The following FBXO11 variants were observed in gnomAD, a reference collection of about 807,000 sequenced individuals.
The protein encoded by FBXO11 is F-box only protein 11.
FBXO11 carries 13 observed loss-of-function variants against 117.0 expected under a neutral mutation model. The observed-to-expected ratio is 0.11, with a 90% CI of 0.07 to 0.18. FBXO11 has a LOEUF of 0.18. Among genes scored for constraint, FBXO11 ranks in the 10% least tolerant of loss-of-function variants. FBXO11 has a pLI of 1.00. For synonymous variants in FBXO11, 490 were observed against 380.5 expected, an observed-to-expected ratio of 1.29 and a Z score of -3.35; for missense variants, 767 against 1,164.4, an observed-to-expected ratio of 0.66 and a Z score of 4.97.
intron 11 of FBXO11, among the ~76,000 whole-genome samples, chr2:47,824,274 G>A (rs1671587031): frequency 6.6e-6 from 1 of 152,124 alleles, no homozygotes; most frequent in Admixed American, 6.5e-5. Context: ...GACTGCTTGA[G>A]CCCTGGAGCT....
intron 11 of FBXO11, among the ~76,000 whole-genome samples, chr2:47,825,571 C>CTTTTTTTTTTTTTTTT (rs751404253): frequency 1.1e-5 from 1 of 88,312 alleles, no homozygotes; most frequent in Non-Finnish European, 2.3e-5. Context: ...TCTTCTTCTT[C>CTTTTTTTTTTTTTTTT]TTTTTTTTTT....
In FBXO11 at chr2:47,906,481, C is replaced by T. The variant is rs1368637641; in HGVS notation, c.-761G>A. Among the ~76,000 whole-genome samples the T allele has an allele frequency of 2.0e-5, 3 of 151,486 alleles. No individual in the cohort carries two copies. Among genetic ancestry groups the T allele is most frequent in the East Asian group, 4.0e-4 (2 of 5,060 alleles). The stretch of plus-strand genomic sequence containing the variant: ...TGGCAGGAGGAGCCATTGACACCGC[C>T]GGAGCCTCCACTCGCCCAGTCGGTC... On this transcript the variant is annotated 5_prime_UTR_variant, in exon 1 of 23. Coordinates refer to ENST00000403359, the MANE Select transcript of FBXO11 (RefSeq NM_001190274.2).
At chr2:47,826,949 C>T (rs1385208301) in intron 11 of FBXO11, among the ~76,000 whole-genome samples, 1 of 152,178 alleles carries the variant, frequency 6.6e-6, no homozygotes, top group Admixed American at 6.5e-5. Flanking sequence ...TCTTTCTGAA[C>T]AGCTTTATTG....
chr2:47,815,017 C>T (rs2104673627), intron 16 of FBXO11, among the ~76,000 whole-genome samples: 1 of 152,324 alleles, frequency 6.6e-6, no homozygotes, highest in Non-Finnish European at 1.5e-5. Context: ...GTCACATCTT[C>T]ATGTTCCATT....
At chr2:47,849,760 C>T (rs1345290048) in intron 1 of FBXO11, among the ~76,000 whole-genome samples, 1 of 152,142 alleles carries the variant, frequency 6.6e-6, no homozygotes, top group Non-Finnish European at 1.5e-5. Context: ...GTCAGTTATG[C>T]AGAAGGAATA....
intron 1 of FBXO11, 72 bp downstream of exon 1, chr2:47,905,417 C>T: frequency 8.8e-7 from 1 of 1,131,154 alleles, no homozygotes; most frequent in Non-Finnish European, 1.1e-6. Flanking sequence ...CCCGCCCGCC[C>T]GCCCGCCCGC....
intron 1 of FBXO11, among the ~76,000 whole-genome samples, chr2:47,871,526 T>C (rs547711734): frequency 1.3e-5 from 2 of 152,342 alleles, no homozygotes; most frequent in South Asian, 2.1e-4. Context: ...CTCAAACTAA[T>C]AGGTATAAAA....
At chr2:47,839,530 C>T in intron 2 of FBXO11, 30 bp from the exon 3 acceptor site, 1 of 1,609,564 alleles carries the variant, frequency 6.2e-7, no homozygotes, top group Non-Finnish European at 8.5e-7. Context: ...ACTAGTAAAG[C>T]AAATATTCTT....
chr2:47,811,074 C>T (rs1572759929), intron 18 of FBXO11: 1 of 152,328 alleles, frequency 6.6e-6, no homozygotes, highest in Non-Finnish European at 1.5e-5. Flanking sequence ...CCTAAACTTT[C>T]ACCTGGATGA....
At chr2:47,880,076 GC>G (rs1406356062) in intron 1 of FBXO11, among the ~76,000 whole-genome samples, 3 of 151,624 alleles carry the variant, frequency 2.0e-5, no homozygotes, top group Admixed American at 6.6e-5. Flanking sequence ...GTTTACTGCA[GC>G]CTCCACCTTC....
At chr2:47,892,040 G>A (rs1003274812) in intron 1 of FBXO11, among the ~76,000 whole-genome samples, 5 of 152,086 alleles carry the variant, frequency 3.3e-5, no homozygotes, top group Admixed American at 2.0e-4. Context: ...TATATGGTTT[G>A]CAAATATTTT....
Position 47,807,141 on chromosome 2 carries a change from A to T in FBXO11, c.*977T>A. 2.5e-6 allele frequency: 1 copy of T among 406,606 alleles called. No individual in the cohort carries two copies. The highest frequency in any genetic ancestry group is 4.1e-5 in the Admixed American group (1 of 24,470). 25.2% of individuals were successfully genotyped at this position (406,606 alleles called of 1,614,324 possible). A position where few individuals can be genotyped will look rare whatever the true frequency, so the allele number is the denominator to read the frequency against. On this transcript the variant is annotated 3_prime_UTR_variant, in exon 23 of 23. Transcript: ENST00000403359. ...GGGGGAGGAAAAGCTATGAAACTGT[A>T]TAGGGCTGTATATATACTTGTCTCA...
intron 1 of FBXO11, among the ~76,000 whole-genome samples, chr2:47,860,557 C>T (rs1308868533): frequency 1.3e-5 from 2 of 151,822 alleles, no homozygotes; most frequent in East Asian, 3.9e-4. Context: ...ACTACAGGTG[C>T]ATGCCACCAC....
intron 4 of FBXO11, among the ~76,000 whole-genome samples, chr2:47,838,477 A>G (rs1037877409): frequency 2.0e-5 from 3 of 152,174 alleles, no homozygotes; most frequent in Non-Finnish European, 2.9e-5. Flanking sequence ...GTCAAAGGGC[A>G]TGAATTATTT....
intron 1 of FBXO11, among the ~76,000 whole-genome samples, chr2:47,852,643 T>C (rs1224288995): frequency 1.3e-5 from 2 of 152,222 alleles, no homozygotes; most frequent in Non-Finnish European, 2.9e-5. Context: ...AACTTTATTG[T>C]ATCAATACAA....
intron 1 of FBXO11, among the ~76,000 whole-genome samples, chr2:47,880,097 G>C (rs1411529956): frequency 1.3e-5 from 2 of 151,852 alleles, no homozygotes; most frequent in African/African-American, 4.8e-5. Context: ...CCAGGCTCGA[G>C]AGATTCTCCC....
At chr2:47,831,436 A>G (rs1205563279) in intron 11 of FBXO11, among the ~76,000 whole-genome samples, 2 of 151,036 alleles carry the variant, frequency 1.3e-5, no homozygotes, top group Non-Finnish European at 3.0e-5. Context: ...AGAAAAAAAA[A>G]AAAAAAAAAA....
intron 1 of FBXO11, among the ~76,000 whole-genome samples, chr2:47,881,173 A>C (rs1413704878): frequency 7.2e-5 from 11 of 151,982 alleles, no homozygotes; most frequent in Non-Finnish European, 1.5e-5. Context: ...AATCACTTGA[A>C]CCCGGGAGTC....
intron 1 of FBXO11, among the ~76,000 whole-genome samples, chr2:47,870,688 G>T (rs78854909): frequency 0.071 from 10,874 of 152,298 alleles, 549 homozygotes; most frequent in Non-Finnish European, 0.11. Flanking sequence ...AGAAGTGTAA[G>T]AGAATAAATT....
Sources: gnomAD v4.1 joint callset for allele counts (sites outside exome capture counted in the v4.1 genomes callset) on GRCh38, gnomAD v4.1.1 for gene constraint, MANE v1.5 for transcripts, NCBI Gene and HGNC (gene_info 2026-07-23, HGNC 2026-07-21) for gene names.